The following AIFM3 variants were observed in gnomAD, a reference collection of about 807,000 sequenced individuals.
The protein encoded by AIFM3 is apoptosis-inducing factor 3.
AIFM3 carries 71 observed loss-of-function variants against 82.7 expected under a neutral mutation model. That is an observed-to-expected ratio of 0.86 (90% CI 0.71 to 1.05). AIFM3 has a LOEUF of 1.05. Among genes scored for constraint, AIFM3 ranks in the 50% least tolerant of loss-of-function variants. The pLI, the probability that AIFM3 is intolerant of heterozygous loss-of-function variation, is 0.00. For missense variants in AIFM3, 748 were observed against 816.7 expected, an observed-to-expected ratio of 0.92 and a Z score of 1.03; for synonymous variants, 337 against 329.1, an observed-to-expected ratio of 1.02 and a Z score of -0.26.
At position 20,976,433 on chromosome 22, in the gene AIFM3, A is replaced by G; in HGVS notation, c.925A>G (p.Lys309Glu). 1 of 1,614,096 alleles carries G rather than the reference A, an allele frequency of 6.2e-7. No individual in the cohort carries two copies. The highest frequency in any genetic ancestry group is 8.5e-7 in the Non-Finnish European group (1 of 1,180,022). Residue 309 changes from lysine (K) to glutamate (E), a missense_variant, in exon 11 of 21, where the codon AAA becomes GAA. By Grantham distance (56) the Lys-to-Glu change is moderately conservative. This residue lies in a region of AIFM3 where 393 missense variants were observed against 481.1 expected (regional missense o/e 0.82). Transcript: ENST00000440238. Reference protein sequence around the residue: ...SSPKTLSCKGKEVENVFTIRT... With the variant: ...SSPKTLSCKGEEVENVFTIRT... ...CCCCAAGACTCTGAGCTGCAAAGGC[A>G]AAGAAGTGGAGAACGTGTTCACTAT...
In AIFM3 at chr22:20,976,954, T is replaced by C. The variant is rs1923722890; in HGVS notation, c.1218+16T>C. ...GGAGGGAAAGGTGGGCCCTTCTCCCTTCTCCCTGCTGCTTTCTGTCCTCTG... is the reference window on the plus strand; with the variant it reads ...GGAGGGAAAGGTGGGCCCTTCTCCCCTCTCCCTGCTGCTTTCTGTCCTCTG... On this transcript the variant is annotated intron_variant, in intron 13 of 20. Transcript: ENST00000440238. 1.2e-6 allele frequency: 2 copies of C among 1,613,108 alleles called. No individual in the cohort carries two copies. Among genetic ancestry groups the C allele is most frequent in the Non-Finnish European group, 1.7e-6 (2 of 1,179,146 alleles).
At position 20,977,787 on chromosome 22, in the gene AIFM3, T is replaced by G; in HGVS notation, c.1359+11T>G. 1 of 1,614,106 alleles carries G rather than the reference T, an allele frequency of 6.2e-7. No homozygotes were observed. On this transcript the variant is annotated intron_variant, in intron 15 of 20. Coordinates refer to ENST00000440238, the MANE Select transcript of AIFM3 (RefSeq NM_001386814.1). ...ATCCCTGTCAACAAGGTGGGGTGGA[T>G]GGCACTGGGTGGGGAGGACCCGGTG...
chr22:20,979,886 C>A (rs2147951898), intron 18 of AIFM3, 134 bp from the exon 19 acceptor site: 1 of 1,116,878 alleles, frequency 9.0e-7, no homozygotes, highest in South Asian at 1.5e-5. Context: ...GCAGGGAGGG[C>A]TGGGTGCTCA....
intron 14 of AIFM3, 170 bp downstream of exon 14, chr22:20,977,265 A>G (rs975968839): frequency 3.0e-5 from 28 of 947,554 alleles, no homozygotes; most frequent in East Asian, 7.9e-5. Context: ...GAAGGTATGT[A>G]CTGGGCTCAG....
intron 2 of AIFM3, among the ~76,000 whole-genome samples, chr22:20,972,919 C>T (rs1210391098): frequency 6.6e-5 from 10 of 151,988 alleles, no homozygotes; most frequent in Non-Finnish European, 1.2e-4. Flanking sequence ...TGGTGGTATG[C>T]ACATGAAGTC....
rs749777794 is a variant in AIFM3 at position 20,980,119 on chromosome 22, G to A, written c.1752G>A (p.Glu584=). The A allele has an allele frequency of 1.2e-6, 2 of 1,607,048 alleles. No homozygotes were observed. The highest frequency in any genetic ancestry group is 3.3e-5 in the Admixed American group (2 of 60,014). Residue 584 remains glutamate (E), a synonymous_variant, in exon 19 of 21, where the codon GAG becomes GAA. Transcript: ENST00000440238. ...LASGRAIRKR[E]VELFVLHSKT... ...CAGGCCGTGCCATCCGGAAGCGGGA[G>A]GTGGAGTGAGTGTGGGTGTGGGAAG...
intron 2 of AIFM3, 30 bp from the exon 3 acceptor site, chr22:20,973,277 G>C (rs1923386637): frequency 1.3e-6 from 2 of 1,552,164 alleles, no homozygotes; most frequent in Admixed American, 2.0e-5. Flanking sequence ...TGGCTGAGGT[G>C]GGGGGCTCAA....
rs200537959 is a variant in AIFM3, at chr22:20,980,995, T to A, written c.1782T>A (p.Thr594=). The change falls in exon 21 of 21, where the codon ACT becomes ACA. Residue 594 remains threonine (T), a synonymous_variant. Coordinates refer to ENST00000440238, the MANE Select transcript of AIFM3 (RefSeq NM_001386814.1). ...EVELFVLHSK[T]GDMSWLTGKG... ...CCTCCTCCCCTCACTCCTGCAGGAC[T>A]GGCGACATGTCCTGGCTTACGGGGA... 3.0e-5 allele frequency: 48 copies of A among 1,614,182 alleles called. No individual in the cohort carries two copies. In the East Asian group the frequency reaches 9.8e-4, roughly 33 times the overall value.
Position 20,975,687 on chromosome 22 carries a change from T to C in AIFM3, c.721-5T>C. The C allele has an allele frequency of 6.2e-7, 1 of 1,613,596 alleles. No homozygotes were observed. The highest frequency in any genetic ancestry group is 1.1e-5 in the South Asian group (1 of 91,086). On this transcript the variant is annotated splice_polypyrimidine_tract_variant and splice_region_variant and intron_variant, in intron 8 of 20. Transcript: ENST00000440238. ...GGCTCCTCTCAAGCTGGCTCTCCCC[T>C]GCAGTCCCTGGACACACAGCCTGAG...
At position 20,976,666 on chromosome 22, in the gene AIFM3, C is replaced by CT. The variant is rs1286528454; in HGVS notation, c.1048dup (p.Tyr350LeufsTer36). The CT allele has an allele frequency of 1.2e-6, 2 of 1,609,934 alleles. No individual in the cohort carries two copies. Among genetic ancestry groups the CT allele is most frequent in the Non-Finnish European group, 1.7e-6 (2 of 1,178,068 alleles). ...CCATCACCAGGGATGGAGGTGGCCG[C>CT]TTACCTGACGGAGAAGGCCCACTCT... On this transcript the variant is annotated frameshift_variant, in exon 12 of 21. Coordinates refer to ENST00000440238, the MANE Select transcript of AIFM3 (RefSeq NM_001386814.1). LOFTEE classifies it high-confidence loss of function.
chr22:20,979,351 A>C lies in AIFM3; in HGVS notation c.1558A>C (p.Lys520Gln). 6.4e-7 allele frequency: 1 copy of C among 1,556,068 alleles called. No homozygotes were observed. Among genetic ancestry groups the C allele is most frequent in the Non-Finnish European group, 8.7e-7 (1 of 1,149,732 alleles). ...VPYLWTAMFG[K>Q]SLRYAGYGEG... ...CTACCTCTGGACCGCCATGTTTGGC[A>C]AGAGCCTGCGCTACGCGGGTAACCC... The change falls in exon 17 of 21, where the codon AAG becomes CAG. Residue 520 changes from lysine to glutamine, a missense_variant. Lys to Gln is a moderately conservative substitution (Grantham distance 53). This residue lies in a region of AIFM3 where 183 missense variants were observed against 158.2 expected (regional missense o/e 1.16). Coordinates refer to ENST00000440238, the MANE Select transcript of AIFM3 (RefSeq NM_001386814.1).
At position 20,979,660 on chromosome 22, in the gene AIFM3, A is replaced by G. The variant is rs1413270811; in HGVS notation, c.1610A>G (p.Gln537Arg). ...YGEGFDDVII[Q>R]GDLEELKFVA... Reference sequence around the variant, plus strand: ...GAAGGCTTCGACGACGTCATCATCCAGGGGGATCTGGAGGAGCTGAAGTTT... The same window carrying G: ...GAAGGCTTCGACGACGTCATCATCCGGGGGGATCTGGAGGAGCTGAAGTTT... Residue 537 changes from glutamine to arginine, a missense_variant, in exon 18 of 21, where the codon CAG becomes CGG. Physicochemically the swap from Gln to Arg is conservative, Grantham distance 43. Transcript: ENST00000440238. 1 of 1,614,210 alleles carries G rather than the reference A, an allele frequency of 6.2e-7. No individual in the cohort carries two copies. Among genetic ancestry groups the G allele is most frequent in the Non-Finnish European group, 8.5e-7 (1 of 1,180,034 alleles).
chr22:20,968,066 G>A, intron 2 of AIFM3, 91 bp downstream of exon 2: 3 of 1,367,356 alleles, frequency 2.2e-6, no homozygotes, highest in Non-Finnish European at 3.0e-6. Context: ...CACTCGGTAG[G>A]CCTCCGAAGT....
rs2147951607 is a variant in AIFM3 at position 20,979,684 on chromosome 22, T to G, written c.1634T>G (p.Phe545Cys). ...IIQGDLEELK[F>C]VAFYTKGDEV... ...CAGGGGGATCTGGAGGAGCTGAAGT[T>G]TGTGGCTTTTTACACTAAGTGAGAG... Residue 545 changes from phenylalanine to cysteine, a missense_variant, in exon 18 of 21, where the codon TTT becomes TGT. Phe to Cys is a radical substitution (Grantham distance 205). Around this residue, in one of 5 missense-constraint regions of AIFM3, gnomAD observed 183 missense variants for 158.2 expected, o/e 1.16. Coordinates refer to ENST00000440238, the MANE Select transcript of AIFM3 (RefSeq NM_001386814.1). The G allele has an allele frequency of 6.2e-7, 1 of 1,614,190 alleles. No homozygotes were observed. The highest frequency in any genetic ancestry group is 1.7e-5 in the Admixed American group (1 of 60,030).
intron 16 of AIFM3, among the ~76,000 whole-genome samples, chr22:20,978,329 T>A (rs1923834255): frequency 6.6e-6 from 1 of 152,132 alleles, no homozygotes; most frequent in Non-Finnish European, 1.5e-5. Flanking sequence ...GTGGATCACC[T>A]TCCCATTTAT....
intron 18 of AIFM3, 32 bp from the exon 19 acceptor site, chr22:20,979,988 A>T (rs1177467630): frequency 6.3e-7 from 1 of 1,593,848 alleles, no homozygotes; most frequent in Non-Finnish European, 8.6e-7. Context: ...GCTGCCTCGC[A>T]GTCCTCAGGC....
rs147200843 is a variant in AIFM3 at position 20,976,506 on chromosome 22, G to A, written c.998G>A (p.Arg333His). The A allele has an allele frequency of 3.3e-5, 53 of 1,613,736 alleles. No homozygotes were observed. The African/African-American group carries it at 3.3e-4, about 10-fold the overall frequency. ...ANRVVRLARG[R>H]NVVVVGAGFL... ...CGCGTGGTGAGGCTGGCCCGAGGCCGCAACGTGGTCGTCGTGGGAGCCGGC... is the reference window on the plus strand; with the variant it reads ...CGCGTGGTGAGGCTGGCCCGAGGCCACAACGTGGTCGTCGTGGGAGCCGGC... Residue 333 changes from arginine to histidine, a missense_variant, in exon 11 of 21, where the codon CGC becomes CAC. Arg to His is a conservative substitution (Grantham distance 29). Around this residue, in one of 5 missense-constraint regions of AIFM3, gnomAD observed 393 missense variants for 481.1 expected, o/e 0.82. Transcript: ENST00000440238.
chr22:20,976,123 G>A (rs1436745585), intron 9 of AIFM3, 92 bp from the exon 10 acceptor site: 59 of 1,391,266 alleles, frequency 4.2e-5, no homozygotes, highest in Non-Finnish European at 5.7e-5. Flanking sequence ...CAGAGGCTGT[G>A]GCTGGGCTGT....
rs540612449 is a variant in AIFM3, at chr22:20,968,554, C to G, written c.31+579C>G. On this transcript the variant is annotated intron_variant, in intron 2 of 20. Transcript: ENST00000440238. ...TTTATACAGGAAATCACCATCCAAC[C>G]TAGCCTGAGCTACTCCAGCCAGAAG... 2.6e-5 allele frequency among the ~76,000 whole-genome samples: 4 copies of G among 152,218 alleles called. No homozygotes were observed. The East Asian group carries it at 7.7e-4, about 29-fold the overall frequency.
Sources: allele counts gnomAD v4.1 joint callset (sites outside exome capture counted in the v4.1 genomes callset), GRCh38; gene constraint gnomAD v4.1.1; regional missense constraint gnomAD v4.1.1; transcripts MANE v1.5; gene names NCBI Gene and HGNC (gene_info 2026-07-23, HGNC 2026-07-21).